The following AKAP9 variants were observed in gnomAD, a reference collection of about 807,000 sequenced individuals.
AKAP9 encodes A-kinase anchor protein 9.
AKAP9 carries 311 observed loss-of-function variants against 488.5 expected under a neutral mutation model. The ratio of observed to expected loss-of-function variants is 0.64; its 90% confidence interval spans 0.58 to 0.70. The LOEUF is 0.70. Ranked by LOEUF, AKAP9 falls within the 30% of genes least tolerant of loss-of-function variation. The probability of loss-of-function intolerance (pLI) is 0.00; values close to 1 mark genes in which losing one functional copy is unlikely to be tolerated. For missense variants in AKAP9, 4,215 were observed against 4,374.5 expected (o/e 0.96, Z 1.03); for synonymous variants, 1,462 against 1,483.5 (o/e 0.99, Z 0.33).
chr7:92,081,623 G>A (rs985575165), intron 31 of AKAP9, among the ~76,000 whole-genome samples: 1 of 151,340 alleles, frequency 6.6e-6, no homozygotes, highest in Non-Finnish European at 1.5e-5. Context: ...TAGCCACTGC[G>A]CCTGGCCAGC....
At position 92,102,614 on chromosome 7, in the gene AKAP9, G is replaced by A. The variant is rs1817762641; in HGVS notation, c.11118G>A (p.Leu3706=). ...VTLKRIYGKY[L]RAESFRKALI... The stretch of plus-strand genomic sequence containing the variant: ...TATAGAGAATTTATGGTAAATACTT[G>A]AGGGCAGAAAGTTTTCGAAAGGCTC... Residue 3706 remains leucine, a synonymous_variant, in exon 46 of 50, where the codon TTG becomes TTA. Coordinates refer to ENST00000356239, the MANE Select transcript of AKAP9 (RefSeq NM_005751.5). The A allele has an allele frequency of 6.2e-7, 1 of 1,613,996 alleles. No individual in the cohort carries two copies. The highest frequency in any genetic ancestry group is 1.3e-5 in the African/African-American group (1 of 74,916).
chr7:92,026,419 CCCTGCCTCGGGCTCCCGTGATTCT>C (rs1331456036), intron 14 of AKAP9, among the ~76,000 whole-genome samples: 1 of 152,150 alleles, frequency 6.6e-6, no homozygotes, highest in Non-Finnish European at 1.5e-5. Flanking sequence ...GCTGCAACCT[CCCTGCCTCGGGCTCCCGTGATTCT>C]CCTGCCTCGG....
At position 92,101,351 on chromosome 7, in the gene AKAP9, C is replaced by T. The variant is rs144857074; in HGVS notation, c.11097+295C>T. Among the ~76,000 whole-genome samples, 3,034 of 151,784 alleles carry T rather than the reference C, an allele frequency of 0.02. 122 individuals carry two copies. The highest frequency in any genetic ancestry group is 0.07 in the African/African-American group (2,885 of 41,316). Reference sequence around the variant, plus strand: ...CAGCTACTGTCCCAGGCAGGAGAATCGCTTGAACCCAGGAAGCGGAGGTTG... The same window carrying T: ...CAGCTACTGTCCCAGGCAGGAGAATTGCTTGAACCCAGGAAGCGGAGGTTG... On this transcript the variant is annotated intron_variant, in intron 45 of 49. Coordinates refer to ENST00000356239, the MANE Select transcript of AKAP9 (RefSeq NM_005751.5).
intron 16 of AKAP9, among the ~76,000 whole-genome samples, chr7:92,034,719 T>G (rs560853466): frequency 3.6e-4 from 55 of 150,774 alleles, no homozygotes; most frequent in African/African-American, 1.3e-3. Context: ...ATGTTGGCTG[T>G]AACTCCTGAC....
intron 14 of AKAP9, among the ~76,000 whole-genome samples, chr7:92,029,558 G>C (rs1253851177): frequency 1.3e-5 from 2 of 152,118 alleles, no homozygotes; most frequent in Non-Finnish European, 2.9e-5. Flanking sequence ...GAGGCGGGAG[G>C]ATCACTTGAG....
At chr7:91,980,489 TAC>T (rs1796253440) in intron 3 of AKAP9, among the ~76,000 whole-genome samples, 156 bp downstream of exon 3, 1 of 131,134 alleles carries the variant, frequency 7.6e-6, no homozygotes, top group Non-Finnish European at 1.6e-5. Context: ...GATTATGTAT[TAC>T]TGACTTTTTT....
At chr7:91,949,481 C>T (rs1791924528) in intron 1 of AKAP9, among the ~76,000 whole-genome samples, 1 of 152,122 alleles carries the variant, frequency 6.6e-6, no homozygotes, top group South Asian at 2.1e-4. Flanking sequence ...ATTGCCAGTC[C>T]ATTTACACTG....
chr7:92,037,687 T>C (rs1248089873), intron 16 of AKAP9, among the ~76,000 whole-genome samples: 1 of 152,222 alleles, frequency 6.6e-6, no homozygotes, highest in Non-Finnish European at 1.5e-5. Context: ...AATTGGATTA[T>C]AATGAAATGT....
In AKAP9 at chr7:92,076,838, T is replaced by TA; in HGVS notation, c.6613-15dup. 1 of 1,371,842 alleles carries TA rather than the reference T, an allele frequency of 7.3e-7. No individual in the cohort carries two copies. The highest frequency in any genetic ancestry group is 1.0e-6 in the Non-Finnish European group (1 of 988,268). 85.0% of individuals were successfully genotyped at this position (1,371,842 alleles called of 1,614,324 possible). On this transcript the variant is annotated splice_polypyrimidine_tract_variant and intron_variant, in intron 28 of 49. Transcript: ENST00000356239. ...TGTATAAACATTTTTTCTCTTTTGA[T>TA]AATTTTGTTATTAAAGATTACAAAC...
chr7:92,082,768 A>C (rs1011507758), intron 32 of AKAP9, 106 bp downstream of exon 32: 15 of 1,278,644 alleles, frequency 1.2e-5, no homozygotes, highest in Non-Finnish European at 1.6e-5. Flanking sequence ...CTTAAAAGCT[A>C]GATAAAAAGT....
intron 8 of AKAP9, among the ~76,000 whole-genome samples, chr7:92,007,830 G>A (rs1307652342): frequency 2.0e-5 from 3 of 152,146 alleles, no homozygotes; most frequent in Non-Finnish European, 2.9e-5. Context: ...GAACAGTCAA[G>A]AATATTTTTG....
rs116270137 is a variant in AKAP9, at chr7:92,032,071, C to T, written c.4338+467C>T. The stretch of plus-strand genomic sequence containing the variant: ...GGAGTTTATCAATGTGAGTTTTGCT[C>T]ATCTCTGTATGCTTATCCACTGTGT... On this transcript the variant is annotated intron_variant, in intron 16 of 49. Coordinates refer to ENST00000356239, the MANE Select transcript of AKAP9 (RefSeq NM_005751.5). 3.5e-3 allele frequency among the ~76,000 whole-genome samples: 535 copies of T among 152,328 alleles called. 4 individuals carry two copies. The highest frequency in any genetic ancestry group is 0.012 in the African/African-American group (506 of 41,578).
chr7:92,035,925 T>A (rs533941070), intron 16 of AKAP9, among the ~76,000 whole-genome samples: 30 of 152,184 alleles, frequency 2.0e-4, no homozygotes, highest in South Asian at 1.9e-3. Flanking sequence ...ATTTTTTTTT[T>A]AAAAAGGATG....
At chr7:92,092,166 T>C (rs966535834) in intron 38 of AKAP9, 1 of 152,216 alleles carries the variant, frequency 6.6e-6, no homozygotes, top group Non-Finnish European at 1.5e-5. Context: ...CTGATACATA[T>C]TTTATAACAT....
chr7:92,023,140 T>C (rs1802573020), intron 14 of AKAP9, 131 bp downstream of exon 14: 2 of 901,986 alleles, frequency 2.2e-6, no homozygotes, highest in African/African-American at 3.3e-5. Context: ...TAGCATTTTT[T>C]AGAAAGAAGA....
intron 8 of AKAP9, 141 bp downstream of exon 8, chr7:92,003,376 C>T: frequency 1.5e-6 from 1 of 669,452 alleles, no homozygotes; most frequent in Non-Finnish European, 2.4e-6. Context: ...TAACTTGAGC[C>T]TATCATTTAT....
intron 45 of AKAP9, 106 bp from the exon 46 acceptor site, chr7:92,102,487 CT>C (rs1405991810): frequency 1.2e-3 from 906 of 737,012 alleles, no homozygotes; most frequent in Middle Eastern, 2.6e-3. Flanking sequence ...ACTACTACTA[CT>C]ACCACCACCA....
chr7:91,963,948 T>G (rs1214069307), intron 1 of AKAP9, among the ~76,000 whole-genome samples: 1 of 152,070 alleles, frequency 6.6e-6, no homozygotes, highest in African/African-American at 2.4e-5. Flanking sequence ...ATTTCCTTTT[T>G]TTAAAGCACA....
At chr7:92,042,290 C>A in intron 19 of AKAP9, 104 bp downstream of exon 19, 1 of 1,476,244 alleles carries the variant, frequency 6.8e-7, no homozygotes, top group Non-Finnish European at 9.4e-7. Context: ...AGGTACTGAG[C>A]TTAACATATT....
Sources: gnomAD v4.1 joint callset for allele counts (sites outside exome capture counted in the v4.1 genomes callset) on GRCh38, gnomAD v4.1.1 for gene constraint, MANE v1.5 for transcripts, NCBI Gene and HGNC (gene_info 2026-07-23, HGNC 2026-07-21) for gene names.